The following A2ML1 variants were observed in gnomAD, a reference collection of about 807,000 sequenced individuals.
The protein encoded by A2ML1 is alpha-2-macroglobulin-like protein 1.
In A2ML1, 161 loss-of-function variants were observed where a neutral mutation model predicts 181.9. That is an observed-to-expected ratio of 0.89 (90% confidence interval 0.78 to 1.01). The LOEUF is 1.01. Ranked by LOEUF, A2ML1 falls within the 50% of genes least tolerant of loss-of-function variation. The probability of loss-of-function intolerance (pLI) is 0.00; values close to 1 mark genes in which losing one functional copy is unlikely to be tolerated. For synonymous variants in A2ML1, 663 were observed against 666.8 expected (o/e 0.99, Z 0.09); for missense variants, 1,670 against 1,768.1 (o/e 0.94, Z 1.00).
chr12:8,860,607 T>A (rs1461960333), intron 26 of A2ML1, among the ~76,000 whole-genome samples: 1 of 152,040 alleles, frequency 6.6e-6, no homozygotes, highest in African/African-American at 2.4e-5. Context: ...TAACTCCTTC[T>A]CTTGGGTTTC....
intron 33 of A2ML1, among the ~76,000 whole-genome samples, chr12:8,871,557 C>T (rs1325268836): frequency 1.3e-5 from 2 of 151,920 alleles, no homozygotes; most frequent in African/African-American, 4.8e-5. Flanking sequence ...AAGTGATCTG[C>T]CTGCCTAGGC....
rs757793092 is a variant in A2ML1, at chr12:8,838,334, A to G, written c.856-2A>G. 3 of 1,611,020 alleles carry G rather than the reference A, an allele frequency of 1.9e-6. No homozygotes were observed. The highest frequency in any genetic ancestry group is 2.5e-6 in the Non-Finnish European group (3 of 1,177,466). On this transcript the variant is annotated splice_acceptor_variant, in intron 8 of 35. Coordinates refer to ENST00000299698, the MANE Select transcript of A2ML1 (RefSeq NM_144670.6). LOFTEE classifies it high-confidence loss of function. ...TATCTCTGTCTCTGATCACCTCACTAGACTGACAAAACAGGATGTTTCTCA... is the reference window on the plus strand; with the variant it reads ...TATCTCTGTCTCTGATCACCTCACTGGACTGACAAAACAGGATGTTTCTCA...
intron 5 of A2ML1, 139 bp from the exon 6 acceptor site, chr12:8,835,368 C>T: frequency 4.3e-6 from 4 of 935,054 alleles, no homozygotes; most frequent in African/African-American, 1.6e-5. Flanking sequence ...CAGGGAGCTG[C>T]TCTTCCTGGA....
chr12:8,845,183 C>A, intron 12 of A2ML1: 1 of 1,530,100 alleles, frequency 6.5e-7, no homozygotes, highest in South Asian at 1.2e-5. Context: ...TGGTGAGGAA[C>A]AATTTCTATG....
In A2ML1 at chr12:8,860,555, T is replaced by C. The variant is rs143500587; in HGVS notation, c.3265-326T>C. ...GGCTCAGATGCGGTGATGCGGCAGA[T>C]TCTCTCCTTATTCCTCCCTTCTTTA... On this transcript the variant is annotated intron_variant, in intron 26 of 35. Coordinates refer to ENST00000299698, the MANE Select transcript of A2ML1 (RefSeq NM_144670.6). Among the ~76,000 whole-genome samples, 253 of 152,200 alleles carry C rather than the reference T, an allele frequency of 1.7e-3. 1 individual carries two copies. The highest frequency in any genetic ancestry group is 2.9e-3 in the Non-Finnish European group (200 of 68,012).
At chr12:8,828,900 C>G (rs1461762978) in intron 3 of A2ML1, among the ~76,000 whole-genome samples, 2 of 152,172 alleles carry the variant, frequency 1.3e-5, no homozygotes, top group African/African-American at 4.8e-5. Context: ...TGAGTTCTGC[C>G]CTGTGTGCTT....
At chr12:8,858,887 C>T (rs1280188729) in intron 26 of A2ML1, among the ~76,000 whole-genome samples, 2 of 152,094 alleles carry the variant, frequency 1.3e-5, no homozygotes, top group African/African-American at 4.8e-5. Context: ...GGCAGCCCAA[C>T]GTCTTTTGTA....
intron 29 of A2ML1, among the ~76,000 whole-genome samples, chr12:8,865,560 C>T (rs1446136184): frequency 2.0e-5 from 3 of 152,124 alleles, no homozygotes; most frequent in African/African-American, 7.2e-5. Flanking sequence ...AACACAACAA[C>T]AACAACAACA....
chr12:8,830,412 A>T (rs751808904), intron 4 of A2ML1, among the ~76,000 whole-genome samples: 218 of 150,778 alleles, frequency 1.4e-3, no homozygotes, highest in African/African-American at 5.2e-3. Context: ...TGACAAAAGC[A>T]TTTTTTTTTT....
At chr12:8,880,943 T>C (rs1480122821), downstream of A2ML1, among the ~76,000 whole-genome samples, 1 of 152,198 alleles carries the variant, frequency 6.6e-6, no homozygotes, top group African/African-American at 2.4e-5. Flanking sequence ...AGTTAGCTTT[T>C]TTGTTGGAAC....
chr12:8,855,552 C>T lies in A2ML1; in HGVS notation c.2808C>T (p.Asp936=), dbSNP rs2136903126. 2 of 1,614,130 alleles carry T rather than the reference C, an allele frequency of 1.2e-6. No homozygotes were observed. The highest frequency in any genetic ancestry group is 2.2e-5 in the East Asian group (1 of 44,886). The stretch of plus-strand genomic sequence containing the variant: ...CTGTCTCCCTGGAGCTCCCAGTGGA[C>T]ATTGTTCCTGACTCGACCAAGGCTT... ...SESVSLELPV[D]IVPDSTKAYV... Residue 936 remains aspartate, a synonymous_variant, in exon 23 of 36, where the codon GAC becomes GAT. Transcript: ENST00000299698.
intron 12 of A2ML1, chr12:8,844,978 G>A (rs1225897541): frequency 2.1e-5 from 28 of 1,362,166 alleles, no homozygotes; most frequent in Non-Finnish European, 2.4e-5. Context: ...GGAGTTAGAA[G>A]AGGAGATTTC....
In A2ML1 at chr12:8,823,810, G is replaced by T; in HGVS notation, c.337G>T (p.Val113Phe). Residue 113 changes from valine (V) to phenylalanine (F), a missense_variant, in exon 3 of 36, where the codon GTT (valine) becomes TTT (phenylalanine). By Grantham distance (50) the Val-to-Phe change is conservative. Transcript: ENST00000299698. ...NNISFEEKKK[V>F]LIQRQGNGTF... Reference sequence around the variant, plus strand: ...CATCAGCTTTGAGGAGAAGAAAAAGGTTCTAATTCAGAGGCAGGGGAACGG... The same window carrying T: ...CATCAGCTTTGAGGAGAAGAAAAAGTTTCTAATTCAGAGGCAGGGGAACGG... 6.2e-7 allele frequency: 1 copy of T among 1,614,110 alleles called. No homozygotes were observed. Among genetic ancestry groups the T allele is most frequent in the Non-Finnish European group, 8.5e-7 (1 of 1,180,032 alleles).
chr12:8,823,076 C>A, intron 1 of A2ML1, 106 bp from the exon 2 acceptor site: 1 of 1,127,626 alleles, frequency 8.9e-7, no homozygotes, highest in Non-Finnish European at 1.3e-6. Context: ...AAGGCAGGGG[C>A]TTGGTCTGTC....
chr12:8,843,452 AT>A, intron 12 of A2ML1, 91 bp downstream of exon 12: 1 of 1,178,220 alleles, frequency 8.5e-7, no homozygotes, highest in South Asian at 1.7e-5. Flanking sequence ...GGCTATCTGA[AT>A]TGCAGATGCA....
intron 11 of A2ML1, among the ~76,000 whole-genome samples, chr12:8,842,000 G>A (rs1023855596): frequency 6.6e-6 from 1 of 152,186 alleles, no homozygotes; most frequent in African/African-American, 2.4e-5. Flanking sequence ...GCAGCAGAAA[G>A]CATTCACTGC....
chr12:8,823,618 A>G (rs763023604), intron 2 of A2ML1, 102 bp from the exon 3 acceptor site: 2 of 1,336,136 alleles, frequency 1.5e-6, no homozygotes, highest in South Asian at 1.4e-5. Flanking sequence ...TGCTACCCCC[A>G]TCTAACTCAG....
At chr12:8,841,025 A>AGGAAGGAAGGAAGGAAGGAAGGACGGAC (rs1592119897) in intron 10 of A2ML1, among the ~76,000 whole-genome samples, 1 of 126,234 alleles carries the variant, frequency 7.9e-6, no homozygotes, top group Non-Finnish European at 1.8e-5. Flanking sequence ...GAAGGAAGGA[A>AGGAAGGAAGGAAGGAAGGAAGGACGGAC]GGAAGGAAGG....
At chr12:8,860,833 C>G (rs771764489) in intron 26 of A2ML1, 48 bp from the exon 27 acceptor site, 12 of 1,527,564 alleles carry the variant, frequency 7.9e-6, no homozygotes, top group Non-Finnish European at 9.1e-6. Context: ...ATAATTCTTG[C>G]AGCTGCTGCC....
Sources: allele counts gnomAD v4.1 joint callset (sites outside exome capture counted in the v4.1 genomes callset), GRCh38; gene constraint gnomAD v4.1.1; transcripts MANE v1.5; gene names NCBI Gene and HGNC (gene_info 2026-07-23, HGNC 2026-07-21).